The following BTG4 variants were observed in gnomAD, a reference collection of about 807,000 sequenced individuals.
The protein encoded by BTG4 is BTG anti-proliferation factor 4.
In BTG4, 10 loss-of-function variants were observed where a neutral mutation model predicts 19.3. That is an observed-to-expected ratio of 0.52 (90% CI 0.32 to 0.88). BTG4 has a LOEUF of 0.88. BTG4 is among the 40% of genes least tolerant of loss of function. The pLI is 0.04. For synonymous variants in BTG4, 91 were observed against 95.7 expected (o/e 0.95, Z 0.29); for missense variants, 238 against 281.9 (o/e 0.84, Z 1.11).
rs151295487 is a variant in BTG4, at chr11:111,511,930, T to C, written c.-27+251A>G. On this transcript the variant is annotated intron_variant, in intron 1 of 4. Coordinates refer to ENST00000692032, the MANE Select transcript of BTG4 (RefSeq NM_001367975.1). ...CCCTAGTTTAGTAATTTATTATATA[T>C]ATACTGTCTTGAATGGTATGGCCTT... 3.0e-3 allele frequency among the ~76,000 whole-genome samples: 455 copies of C among 152,322 alleles called. 4 individuals carry two copies. The highest frequency in any genetic ancestry group is 0.011 in the African/African-American group (443 of 41,570).
At chr11:111,514,526 C>A, upstream of BTG4, 1 of 522,222 alleles carries the variant, frequency 1.9e-6, no homozygotes, top group Admixed American at 3.2e-5. Flanking sequence ...AAACTACTCC[C>A]CCACTGACTC....
chr11:111,428,488 C>A, the BTG4 span, among the ~76,000 whole-genome samples: 2 of 152,130 alleles, frequency 1.3e-5, no homozygotes, highest in African/African-American at 4.8e-5. Context: ...TTTGCCAATG[C>A]CTGGGGACTA....
At chr11:111,446,148 G>T in the BTG4 span, among the ~76,000 whole-genome samples, 5 of 152,172 alleles carry the variant, frequency 3.3e-5, no homozygotes, top group Admixed American at 6.5e-5. Context: ...GGTTGACAAC[G>T]TGAACCTACT....
downstream of BTG4, chr11:111,466,964 C>G (rs745947555): frequency 1.3e-5 from 2 of 152,622 alleles, no homozygotes; most frequent in Non-Finnish European, 1.5e-5. Flanking sequence ...CAGGAAGAAG[C>G]CTTTGAGATG....
At chr11:111,454,478 G>A in the BTG4 span, 1 of 363,444 alleles carries the variant, frequency 2.8e-6, no homozygotes, top group South Asian at 2.1e-5. Context: ...ATGGAACATA[G>A]AGTCCTAAAG....
intron 4 of BTG4, among the ~76,000 whole-genome samples, chr11:111,496,244 GA>G (rs1397468120): frequency 1.3e-5 from 2 of 152,062 alleles, no homozygotes; most frequent in African/African-American, 2.4e-5. Context: ...GCCAATTCTA[GA>G]AAAAAATGGC....
the BTG4 span, among the ~76,000 whole-genome samples, chr11:111,387,210 C>A: frequency 6.6e-6 from 1 of 152,318 alleles, no homozygotes; most frequent in Admixed American, 6.5e-5. Flanking sequence ...TTACCAATTT[C>A]TAGTTTTCCA....
At position 111,494,918 on chromosome 11, in the gene BTG4, C is replaced by G; in HGVS notation, c.*217G>C. 1 of 984,862 alleles carries G rather than the reference C, an allele frequency of 1.0e-6. No homozygotes were observed. The highest frequency in any genetic ancestry group is 4.7e-5 in the South Asian group (1 of 21,280). 61.0% of individuals were successfully genotyped at this position (984,862 alleles called of 1,614,324 possible). A position where few individuals can be genotyped will look rare whatever the true frequency, so the allele number is the denominator to read the frequency against. ...TCTGTTACCTTACTGGGTACATTCA[C>G]TGATGTTACATAAAACTTCATGTAA... is the stretch of plus-strand genomic sequence containing the variant. On this transcript the variant is annotated 3_prime_UTR_variant, in exon 5 of 5. Coordinates refer to ENST00000692032, the MANE Select transcript of BTG4 (RefSeq NM_001367975.1).
At chr11:111,509,740 T>C (rs578032503) in intron 1 of BTG4, among the ~76,000 whole-genome samples, 1 of 151,780 alleles carries the variant, frequency 6.6e-6, no homozygotes, top group Non-Finnish European at 1.5e-5. Flanking sequence ...CAAAACAGGT[T>C]TATAAAGAAG....
upstream of BTG4, chr11:111,512,887 A>C (rs1346791215): frequency 2.4e-6 from 1 of 423,906 alleles, no homozygotes; most frequent in African/African-American, 2.2e-5. Flanking sequence ...GCGGGCCCCG[A>C]CCCCGCGTCG....
the BTG4 span, among the ~76,000 whole-genome samples, chr11:111,434,763 G>A: frequency 6.6e-6 from 1 of 151,540 alleles, no homozygotes; most frequent in Non-Finnish European, 1.5e-5. Flanking sequence ...TCAAATCCAA[G>A]TTTCCTGGCA....
the BTG4 span, among the ~76,000 whole-genome samples, chr11:111,428,292 T>C: frequency 3.3e-5 from 5 of 149,712 alleles, no homozygotes; most frequent in Non-Finnish European, 7.4e-5. Context: ...AGTTCCCTTT[T>C]AAGACCCTAC....
the BTG4 span, chr11:111,456,675 G>T: frequency 2.5e-6 from 1 of 393,204 alleles, no homozygotes; most frequent in Non-Finnish European, 5.3e-6. The surrounding 1 kb of genome is among the most constrained non-coding windows in gnomAD (Gnocchi z 4.2). Flanking sequence ...TGCTGCCCGA[G>T]GCTGGACACC....
intron 5 of BTG4, among the ~76,000 whole-genome samples, chr11:111,478,166 G>A (rs2135560241): frequency 6.6e-6 from 1 of 152,294 alleles, no homozygotes; most frequent in African/African-American, 2.4e-5. Flanking sequence ...CAAGTAGAGA[G>A]TTAGGGCTTA....
At chr11:111,453,474 G>A in the BTG4 span, 2 of 456,468 alleles carry the variant, frequency 4.4e-6, no homozygotes, top group Non-Finnish European at 8.8e-6. Context: ...GGAGACATCA[G>A]CAAGAATGCA....
At position 111,501,552 on chromosome 11, in the gene BTG4, T is replaced by C. The variant is rs1015333426; in HGVS notation, c.-26-2750A>G. 4.6e-5 allele frequency among the ~76,000 whole-genome samples: 7 copies of C among 152,174 alleles called. No homozygotes were observed. In the South Asian group the frequency reaches 1.4e-3, roughly 32 times the overall value. On this transcript the variant is annotated intron_variant, in intron 1 of 4. Coordinates refer to ENST00000692032, the MANE Select transcript of BTG4 (RefSeq NM_001367975.1). ...GAAGAAATTAGTTATAGTATTCCAG[T>C]ACAGCAGAGAAAAGGATACAAAAAT...
chr11:111,473,993 A>G (rs977591683), intron 5 of BTG4, among the ~76,000 whole-genome samples: 3 of 152,126 alleles, frequency 2.0e-5, no homozygotes, highest in Non-Finnish European at 4.4e-5. Context: ...ATCATCACTA[A>G]TATTTTGTAA....
the BTG4 span, among the ~76,000 whole-genome samples, chr11:111,409,535 T>C: frequency 5.3e-5 from 8 of 152,210 alleles, no homozygotes; most frequent in East Asian, 1.5e-3. Flanking sequence ...CTTCTCTGCC[T>C]GTCTTGATGC....
At chr11:111,497,020 C>A (rs1376510947) in intron 4 of BTG4, 191 bp downstream of exon 4, 1 of 448,446 alleles carries the variant, frequency 2.2e-6, no homozygotes, top group South Asian at 5.9e-5. Flanking sequence ...AAAAGCTCAG[C>A]CAAGTGTAGG....
Sources: gnomAD v4.1 joint callset for allele counts (sites outside exome capture counted in the v4.1 genomes callset) on GRCh38, gnomAD v4.1.1 for gene constraint, Gnocchi (gnomAD v3.1) non-coding constraint, MANE v1.5 for transcripts, NCBI Gene and HGNC (gene_info 2026-07-23, HGNC 2026-07-21) for gene names.